CCDC125: variants seen among roughly 807,000 people sequenced by gnomAD.
The protein encoded by CCDC125 is coiled-coil domain-containing protein 125.
Under a neutral mutation model 57.4 loss-of-function variants are expected in CCDC125, and 43 were observed. That is an observed-to-expected ratio of 0.75 (90% confidence interval 0.59 to 0.97). The LOEUF (loss-of-function observed/expected upper bound fraction) is 0.97. CCDC125 is among the 50% of genes least tolerant of loss of function. CCDC125 has a pLI of 0.00. For missense variants in CCDC125, 563 were observed against 595.7 expected (o/e 0.95, Z 0.57); for synonymous variants, 187 against 195.2 (o/e 0.96, Z 0.35).
intron 7 of CCDC125, among the ~76,000 whole-genome samples, chr5:69,301,251 C>T (rs1039026909): frequency 2.6e-5 from 4 of 151,990 alleles, no homozygotes; most frequent in African/African-American, 9.7e-5. Context: ...CTGGCCATTA[C>T]GGGCATGAGC....
chr5:69,287,148 C>A (rs1410757208), intron 10 of CCDC125, among the ~76,000 whole-genome samples: 2 of 151,998 alleles, frequency 1.3e-5, no homozygotes, highest in African/African-American at 4.8e-5. Context: ...TCACCCTGTA[C>A]CTCTTAAGAT....
chr5:69,299,743 C>T (rs1756058645), intron 8 of CCDC125, among the ~76,000 whole-genome samples: 1 of 152,184 alleles, frequency 6.6e-6, no homozygotes, highest in South Asian at 2.1e-4. Flanking sequence ...TGAGACATTA[C>T]CCAACACAGC....
At chr5:69,330,899 G>A (rs2150699215) in intron 1 of CCDC125, among the ~76,000 whole-genome samples, 1 of 152,198 alleles carries the variant, frequency 6.6e-6, no homozygotes, top group East Asian at 1.9e-4. Flanking sequence ...CTGCTGCCAA[G>A]TCAATAATAT....
In CCDC125 at chr5:69,311,196, T is replaced by A; in HGVS notation, c.375A>T (p.Glu125Asp). Residue 125 changes from glutamate (E) to aspartate (D), a missense_variant, in exon 4 of 12, where the codon GAA becomes GAT. Physicochemically the swap from Glu to Asp is conservative, Grantham distance 45 (BLOSUM62 2). Transcript: ENST00000396496. ...ATGCCTCAAGTTCAGTTTTTAACAT[T>A]TCTACCTCCTGAGGACAGAAAGAAA... ...QCLNETLEEVEMLKTELEASQ... is the reference protein window; with the variant it reads ...QCLNETLEEVDMLKTELEASQ... The A allele has an allele frequency of 1.9e-6, 3 of 1,601,012 alleles. No individual in the cohort carries two copies. The highest frequency in any genetic ancestry group is 2.6e-6 in the Non-Finnish European group (3 of 1,169,468).
At chr5:69,286,158 A>G (rs1340722841) in intron 10 of CCDC125, among the ~76,000 whole-genome samples, 1 of 139,084 alleles carries the variant, frequency 7.2e-6, no homozygotes, top group Non-Finnish European at 1.5e-5. Flanking sequence ...AATATACTTA[A>G]TACCACTTAA....
intron 8 of CCDC125, among the ~76,000 whole-genome samples, chr5:69,299,148 C>T (rs1443195711): frequency 1.4e-5 from 2 of 146,838 alleles, no homozygotes; most frequent in African/African-American, 2.6e-5. Context: ...CTCGCTCTTT[C>T]GCCCAGGCCA....
At chr5:69,283,402 A>G (rs1752752595) in intron 11 of CCDC125, among the ~76,000 whole-genome samples, 1 of 151,614 alleles carries the variant, frequency 6.6e-6, no homozygotes, top group Non-Finnish European at 1.5e-5. Context: ...TGCATTTTTT[A>G]GTAGAGACGG....
chr5:69,318,908 C>T (rs1368363896), intron 2 of CCDC125, among the ~76,000 whole-genome samples: 1 of 151,878 alleles, frequency 6.6e-6, no homozygotes, highest in African/African-American at 2.4e-5. Context: ...CCCAATGTTA[C>T]ACATCTGTTG....
chr5:69,313,798 T>C, intron 3 of CCDC125, 187 bp downstream of exon 3: 1 of 803,904 alleles, frequency 1.2e-6, no homozygotes, highest in Non-Finnish European at 2.3e-6. Flanking sequence ...ACTTCTCTGG[T>C]GTTGAAGACT....
intron 10 of CCDC125, among the ~76,000 whole-genome samples, chr5:69,290,593 G>A (rs1183247116): frequency 5.0e-5 from 7 of 140,978 alleles, no homozygotes; most frequent in African/African-American, 1.3e-4. Context: ...CTGAGCCACC[G>A]CACATGGCCA....
downstream of CCDC125, among the ~76,000 whole-genome samples, chr5:69,279,589 A>G (rs536844564): frequency 6.6e-6 from 1 of 152,210 alleles, no homozygotes; most frequent in South Asian, 2.1e-4. Flanking sequence ...CTTCTTAAGG[A>G]AACTTCCATG....
intron 6 of CCDC125, among the ~76,000 whole-genome samples, chr5:69,306,179 A>T (rs1316508206): frequency 1.3e-5 from 2 of 151,692 alleles, no homozygotes; most frequent in Non-Finnish European, 2.9e-5. Context: ...CTCCCACCTC[A>T]GGCTCCCAAA....
chr5:69,294,153 G>C (rs1754947406), intron 9 of CCDC125: 10 of 982,876 alleles, frequency 1.0e-5, no homozygotes, highest in Non-Finnish European at 1.2e-5. Context: ...AATCAGTGTT[G>C]CTGATCCTAG....
At chr5:69,317,605 A>G (rs1365079178) in intron 2 of CCDC125, among the ~76,000 whole-genome samples, 1 of 152,196 alleles carries the variant, frequency 6.6e-6, no homozygotes, top group Non-Finnish European at 1.5e-5. Context: ...AACATAGATT[A>G]CAAAATATTT....
chr5:69,314,155 T>C (rs1349219010), intron 2 of CCDC125, 109 bp from the exon 3 acceptor site: 1 of 768,148 alleles, frequency 1.3e-6, no homozygotes, highest in East Asian at 2.6e-5. Context: ...ATCCCCTAAA[T>C]TGCAAAGAGA....
chr5:69,300,442 C>T (rs2150413388), intron 7 of CCDC125, among the ~76,000 whole-genome samples: 1 of 152,230 alleles, frequency 6.6e-6, no homozygotes, highest in Non-Finnish European at 1.5e-5. Flanking sequence ...TATTCAGAGA[C>T]TTTATGGTTA....
chr5:69,293,249 C>A (rs1056509329), intron 9 of CCDC125, among the ~76,000 whole-genome samples: 1 of 152,178 alleles, frequency 6.6e-6, no homozygotes, highest in East Asian at 1.9e-4. Context: ...AGTGATTCTC[C>A]CACCTCAGCC....
intron 9 of CCDC125, among the ~76,000 whole-genome samples, chr5:69,293,534 C>T (rs547068498): frequency 2.0e-5 from 3 of 151,600 alleles, no homozygotes; most frequent in South Asian, 2.1e-4. Flanking sequence ...CCTGTAATCC[C>T]AGCTACTCAG....
intron 11 of CCDC125, among the ~76,000 whole-genome samples, chr5:69,283,455 T>C (rs544091117): frequency 3.3e-5 from 5 of 152,132 alleles, no homozygotes; most frequent in East Asian, 3.9e-4. Flanking sequence ...CTCCTGACCT[T>C]GTGATCAGCC....
Sources: gnomAD v4.1 joint callset for allele counts (sites outside exome capture counted in the v4.1 genomes callset) on GRCh38, gnomAD v4.1.1 for gene constraint, MANE v1.5 for transcripts, NCBI Gene and HGNC (gene_info 2026-07-23, HGNC 2026-07-21) for gene names.